TRPV5: variants seen among roughly 807,000 people sequenced by gnomAD.
TRPV5 encodes calcium transport protein 2.
In TRPV5, 66 loss-of-function variants were observed where a neutral mutation model predicts 74.1. That is an observed-to-expected ratio of 0.89 (90% confidence interval 0.73 to 1.09). TRPV5 has a LOEUF of 1.09. TRPV5 is among the 50% of genes least tolerant of loss of function. TRPV5 has a pLI of 0.00. For missense variants in TRPV5, 936 were observed against 930.4 expected, an observed-to-expected ratio of 1.01 and a Z score of -0.08; for synonymous variants, 399 against 360.7, an observed-to-expected ratio of 1.11 and a Z score of -1.20.
intron 8 of TRPV5, among the ~76,000 whole-genome samples, chr7:142,917,245 C>T (rs938613600): frequency 1.3e-5 from 2 of 152,060 alleles, no homozygotes; most frequent in Non-Finnish European, 2.9e-5. Flanking sequence ...ATGCCAACTC[C>T]TTCACAGAGT....
chr7:142,925,619 A>T lies in TRPV5; in HGVS notation c.1032T>A (p.Thr344=), dbSNP rs4252435. 3.1e-5 allele frequency: 50 copies of T among 1,613,930 alleles called. No individual in the cohort carries two copies. Among genetic ancestry groups the T allele is most frequent in the Non-Finnish European group, 4.2e-5 (50 of 1,180,022 alleles). ...ALYLLYMICF[T]TCCVYRPLKF... Reference sequence around the variant, plus strand: ...TAAGGGGGCGGTAGACGCAGCACGTAGTAAAGCAGATCATGTAGAGCAGGT... The same window carrying T: ...TAAGGGGGCGGTAGACGCAGCACGTTGTAAAGCAGATCATGTAGAGCAGGT... Residue 344 remains threonine (T), a synonymous_variant, in exon 8 of 15, where the codon ACT becomes ACA. Coordinates refer to ENST00000265310, the MANE Select transcript of TRPV5 (RefSeq NM_019841.7).
intron 8 of TRPV5, among the ~76,000 whole-genome samples, chr7:142,921,466 A>G (rs1795884835): frequency 6.6e-6 from 1 of 151,886 alleles, no homozygotes; most frequent in South Asian, 2.1e-4. Context: ...TATTTTTAGG[A>G]GAGATGGGGT....
chr7:142,914,665 A>G lies in TRPV5; in HGVS notation c.1494T>C (p.Ala498=). 1 of 1,613,854 alleles carries G rather than the reference A, an allele frequency of 6.2e-7. No homozygotes were observed. The highest frequency in any genetic ancestry group is 8.5e-7 in the Non-Finnish European group (1 of 1,179,876). The change falls in exon 12 of 15, where the codon GCT becomes GCC. Residue 498 remains alanine (A), a synonymous_variant. Coordinates refer to ENST00000265310, the MANE Select transcript of TRPV5 (RefSeq NM_019841.7). ...CGGAGGCAAATCCCAAGATGACCAC[A>G]GCCATCAGCCAGCAGAAACGCATTA... The part of the protein sequence containing the change: ...GDLMRFCWLM[A]VVILGFASAF...
intron 8 of TRPV5, among the ~76,000 whole-genome samples, chr7:142,920,731 A>G (rs1479389889): frequency 6.6e-6 from 1 of 152,182 alleles, no homozygotes; most frequent in Admixed American, 6.5e-5. Flanking sequence ...TGATGATTGC[A>G]TTTATTTGTT....
intron 10 of TRPV5, 116 bp from the exon 11 acceptor site, chr7:142,915,162 C>T (rs574527776): frequency 1.7e-5 from 26 of 1,519,212 alleles, no homozygotes; most frequent in South Asian, 1.3e-4. Context: ...ACACCTAAAA[C>T]GCACATACAG....
chr7:142,915,435 G>C, intron 9 of TRPV5, 47 bp downstream of exon 9: 1 of 1,611,966 alleles, frequency 6.2e-7, no homozygotes. Context: ...GGTACAGTCT[G>C]GGCCTTAGAT....
Position 142,915,678 on chromosome 7 carries a change from C to A in TRPV5, c.1123-110G>T. ...ATCCAAAATAAAGGAAACTCCCCTT[C>A]CCACCAGCATCACCCCACCCCCATT... is the stretch of plus-strand genomic sequence containing the variant. On this transcript the variant is annotated intron_variant, in intron 8 of 14. Transcript: ENST00000265310. 3 of 1,019,552 alleles carry A rather than the reference C, an allele frequency of 2.9e-6. No individual in the cohort carries two copies. The South Asian group carries it at 4.7e-5, about 16-fold the overall frequency. 63.2% of individuals were successfully genotyped at this position (1,019,552 alleles called of 1,614,324 possible).
rs1447116236 is a variant in TRPV5, at chr7:142,933,639, G to T, written c.-180C>A. The stretch of plus-strand genomic sequence containing the variant: ...TGTGTGTGTGTGCATGCAGTATGTG[G>T]GTTGTGGGGTGTGCGTGTATGCACA... On this transcript the variant is annotated 5_prime_UTR_variant, in exon 1 of 15. Transcript: ENST00000265310. The T allele has an allele frequency of 2.6e-6, 2 of 772,710 alleles. No individual in the cohort carries two copies. The highest frequency in any genetic ancestry group is 4.1e-6 in the Non-Finnish European group (2 of 486,092). The allele number at this position is 772,710 out of a possible 1,614,324, so 47.9% of individuals were successfully genotyped here.
rs1796141880 is a variant in TRPV5, at chr7:142,933,682, ATG to A, written c.-225_-224del. 1.7e-6 allele frequency: 1 copy of A among 583,330 alleles called. No individual in the cohort carries two copies. Among genetic ancestry groups the A allele is most frequent in the Non-Finnish European group, 3.0e-6 (1 of 335,098 alleles). 36.1% of individuals were successfully genotyped at this position (583,330 alleles called of 1,614,324 possible). ...TATGCACAGTGTGTGGCTGTGGTGT[ATG>A]TGTGTGCATGCAGTGTGTGGTTGTG... is the stretch of plus-strand genomic sequence containing the variant. On this transcript the variant is annotated 5_prime_UTR_variant, in exon 1 of 15. An upstream open reading frame in the 5' UTR loses its in-frame stop. Coordinates refer to ENST00000265310, the MANE Select transcript of TRPV5 (RefSeq NM_019841.7).
Position 142,908,327 on chromosome 7 carries a change from A to G in TRPV5, c.*187T>C. 1 of 659,824 alleles carries G rather than the reference A, an allele frequency of 1.5e-6. No individual in the cohort carries two copies. Among genetic ancestry groups the G allele is most frequent in the Non-Finnish European group, 2.6e-6 (1 of 388,310 alleles). 40.9% of individuals were successfully genotyped at this position (659,824 alleles called of 1,614,324 possible). A position where few individuals can be genotyped will look rare whatever the true frequency, so the allele number is the denominator to read the frequency against. On this transcript the variant is annotated 3_prime_UTR_variant, in exon 15 of 15. Transcript: ENST00000265310. ...GCCCAGAAAATACGTGAGACAATCG[A>G]TGACCATTGCCCATTGCCAGAAATT...
chr7:142,915,978 G>A (rs999170530), intron 8 of TRPV5, among the ~76,000 whole-genome samples: 4 of 152,160 alleles, frequency 2.6e-5, no homozygotes, highest in African/African-American at 9.7e-5. Flanking sequence ...CTTCTAGTGG[G>A]AAGAATACAC....
At position 142,928,779 on chromosome 7, in the gene TRPV5, T is replaced by G. The variant is rs758140618; in HGVS notation, c.674A>C (p.His225Pro). 10 of 1,614,070 alleles carry G rather than the reference T, an allele frequency of 6.2e-6. No homozygotes were observed. The Admixed American group carries it at 8.3e-5, about 13-fold the overall frequency. Residue 225 changes from histidine (H) to proline (P), a missense_variant, in exon 6 of 15, where the codon CAT (histidine) becomes CCT (proline). Coordinates refer to ENST00000265310, the MANE Select transcript of TRPV5 (RefSeq NM_019841.7). ...GTCCAGGGGCTGCAGGTGGTCCCCA[T>G]GTCCATCATAGGACAGCAGCAGGTT... ...MYNLLLSYDG[H>P]GDHLQPLDLV...
intron 8 of TRPV5, among the ~76,000 whole-genome samples, chr7:142,924,317 CAT>C (rs1351531202): frequency 1.4e-4 from 4 of 28,756 alleles, no homozygotes; most frequent in Non-Finnish European, 1.9e-4. Flanking sequence ...TATATACACA[CAT>C]ATACATGTAT....
Position 142,915,584 on chromosome 7 carries a change from C to CTTA in TRPV5, c.1123-17_1123-16insTAA, listed in dbSNP as rs775643740. On this transcript the variant is annotated splice_polypyrimidine_tract_variant and intron_variant, in intron 8 of 14. Coordinates refer to ENST00000265310, the MANE Select transcript of TRPV5 (RefSeq NM_019841.7). ...CATAGGCCTCCTATGTGGGGAAATT[C>CTTA]AGAAGAAGTGCTTTCTGATGGGCAG... 6.2e-7 allele frequency: 1 copy of CTTA among 1,613,026 alleles called. No homozygotes were observed.
chr7:142,917,115 GTCC>G (rs1161748952), intron 8 of TRPV5, among the ~76,000 whole-genome samples: 1 of 143,078 alleles, frequency 7.0e-6, no homozygotes, highest in African/African-American at 2.7e-5. Flanking sequence ...TTGTTTTTTT[GTCC>G]TCAGCTCTAG....
chr7:142,924,167 G>A (rs4236479), intron 8 of TRPV5, among the ~76,000 whole-genome samples: 112,820 of 148,832 alleles, frequency 0.76, 47,090 homozygotes, highest in East Asian at 0.96. Flanking sequence ...TCCTCCCCAG[G>A]CAGCAAGACC....
intron 8 of TRPV5, among the ~76,000 whole-genome samples, chr7:142,924,510 T>C (rs1282914546): frequency 1.3e-5 from 2 of 151,430 alleles, no homozygotes; most frequent in Non-Finnish European, 2.9e-5. Context: ...TATCGCTGTC[T>C]TTGGTCTAAA....
At chr7:142,932,697 C>A (rs1796116389) in intron 1 of TRPV5, among the ~76,000 whole-genome samples, 1 of 152,182 alleles carries the variant, frequency 6.6e-6, no homozygotes, top group African/African-American at 2.4e-5. Context: ...AAATGATTTA[C>A]CTGCAGGTGT....
At chr7:142,932,685 TG>T (rs947314997) in intron 1 of TRPV5, among the ~76,000 whole-genome samples, 13 of 152,272 alleles carry the variant, frequency 8.5e-5, no homozygotes, top group Non-Finnish European at 1.8e-4. Context: ...GGCTAAGCCA[TG>T]AAATGATTTA....
Sources: allele counts gnomAD v4.1 joint callset (sites outside exome capture counted in the v4.1 genomes callset), GRCh38; gene constraint gnomAD v4.1.1; transcripts MANE v1.5; gene names NCBI Gene and HGNC (gene_info 2026-07-23, HGNC 2026-07-21).